Variants in BAIAP3 observed in about 807,000 individuals in gnomAD.
BAIAP3 encodes BAI1-associated protein 3.
In BAIAP3, 180 loss-of-function variants were observed where a neutral mutation model predicts 149.7. That is an observed-to-expected ratio of 1.20 (90% CI 1.07 to 1.36). The LOEUF (loss-of-function observed/expected upper bound fraction) is 1.36. BAIAP3 is among the 40% of genes most tolerant of loss of function. BAIAP3 has a pLI of 0.00. For synonymous variants in BAIAP3, 845 were observed against 670.7 expected, an observed-to-expected ratio of 1.26 and a Z score of -4.02; for missense variants, 1,767 against 1,563.4, an observed-to-expected ratio of 1.13 and a Z score of -2.20.
Position 1,345,292 on chromosome 16 carries a change from C to T in BAIAP3, c.1984C>T (p.Leu662=), listed in dbSNP as rs1479977923. ...LALAGIHAPF[L]PAVKLWFQVL... is the part of the protein sequence containing the mutation. ...CCTGGCTGGCATCCACGCCCCCTTC[C>T]TGCCTGCTGTGAAGCTCTGGTTCCA... is the stretch of plus-strand genomic sequence containing the variant. Residue 662 remains leucine, a synonymous_variant, in exon 22 of 34, where the codon CTG becomes TTG. Coordinates refer to ENST00000426824, the MANE Select transcript of BAIAP3 (RefSeq NM_001199097.2). 3 of 1,613,192 alleles carry T rather than the reference C, an allele frequency of 1.9e-6. No individual in the cohort carries two copies. The highest frequency in any genetic ancestry group is 2.2e-5 in the South Asian group (2 of 91,088).
At chr16:1,347,009 G>A in intron 28 of BAIAP3, 54 bp downstream of exon 28, 1 of 1,493,186 alleles carries the variant, frequency 6.7e-7, no homozygotes, top group Non-Finnish European at 9.1e-7. Flanking sequence ...GGGCTGCTCT[G>A]ATCCCTCCCT....
intron 1 of BAIAP3, chr16:1,334,702 G>T (rs1440671291): frequency 6.4e-7 from 1 of 1,556,254 alleles, no homozygotes; most frequent in Admixed American, 1.9e-5. Flanking sequence ...GGCCCGCCAG[G>T]TGACCTGCAC....
rs1461887277 is a variant in BAIAP3, at chr16:1,342,072, G to A, written c.854+9G>A. ...CTGAAGGGCATGGGCAGGTATGACTGCTGGGACCTTTCTACCCATCACCCG... is the reference window on the plus strand; with the variant it reads ...CTGAAGGGCATGGGCAGGTATGACTACTGGGACCTTTCTACCCATCACCCG... On this transcript the variant is annotated intron_variant, in intron 10 of 33. Transcript: ENST00000426824. The A allele has an allele frequency of 6.3e-7, 1 of 1,594,900 alleles. No homozygotes were observed. Among genetic ancestry groups the A allele is most frequent in the Non-Finnish European group, 8.5e-7 (1 of 1,170,080 alleles).
chr16:1,348,416 C>G lies in BAIAP3; in HGVS notation c.3393C>G (p.Ser1131Arg). 1 of 1,612,738 alleles carries G rather than the reference C, an allele frequency of 6.2e-7. No individual in the cohort carries two copies. Among genetic ancestry groups the G allele is most frequent in the Non-Finnish European group, 8.5e-7 (1 of 1,179,852 alleles). Reference sequence around the variant, plus strand: ...TGAGGAGGCTGGAAGGCCGCACCAGCAAGGAGGCGCAGGAGTTCGTGAAGA... The same window carrying G: ...TGAGGAGGCTGGAAGGCCGCACCAGGAAGGAGGCGCAGGAGTTCGTGAAGA... ...SALRRLEGRTSKEAQEFVKKL... is the reference protein window; with the variant it reads ...SALRRLEGRTRKEAQEFVKKL... Residue 1131 changes from serine to arginine, a missense_variant, in exon 34 of 34, where the codon AGC becomes AGG. Coordinates refer to ENST00000426824, the MANE Select transcript of BAIAP3 (RefSeq NM_001199097.2).
rs1180416860 is a variant in BAIAP3 at position 1,344,262 on chromosome 16, T to C, written c.1547T>C (p.Phe516Ser). Residue 516 changes from phenylalanine to serine, a missense_variant, in exon 17 of 34, where the codon TTT (phenylalanine) becomes TCT (serine). Physicochemically the swap from Phe to Ser is radical, Grantham distance 155 (BLOSUM62 -2). Transcript: ENST00000426824. ...LGKLQLFQPS[F>S]EICPFESELN... ...AAGCTGCAGCTCTTCCAACCCTCCTTTGAGATCTGCCCCTTCGAGTCGGAG... is the reference window on the plus strand; with the variant it reads ...AAGCTGCAGCTCTTCCAACCCTCCTCTGAGATCTGCCCCTTCGAGTCGGAG... 1.2e-6 allele frequency: 2 copies of C among 1,613,682 alleles called. No individual in the cohort carries two copies. The highest frequency in any genetic ancestry group is 1.7e-6 in the Non-Finnish European group (2 of 1,179,926).
rs756211853 is a variant in BAIAP3 at position 1,347,832 on chromosome 16, G to A, written c.3025+11G>A. 1 of 1,604,052 alleles carries A rather than the reference G, an allele frequency of 6.2e-7. No homozygotes were observed. ...CCCTGGACGCCAACGGTGAGTTGCA[G>A]CGGGGACGGGTCGGGTGGTGGTGGG... On this transcript the variant is annotated intron_variant, in intron 31 of 33. Coordinates refer to ENST00000426824, the MANE Select transcript of BAIAP3 (RefSeq NM_001199097.2).
Position 1,349,405 on chromosome 16 carries a change from C to G in BAIAP3, c.*923C>G. On this transcript the variant is annotated 3_prime_UTR_variant, in exon 34 of 34. Transcript: ENST00000426824. Reference sequence around the variant, plus strand: ...CTCATGTCTCTAGATTTTCTCGTCACCCAGCCTCAAAAATATATGTGTCTG... The same window carrying G: ...CTCATGTCTCTAGATTTTCTCGTCAGCCAGCCTCAAAAATATATGTGTCTG... 6.2e-7 allele frequency: 1 copy of G among 1,613,034 alleles called. No homozygotes were observed. The highest frequency in any genetic ancestry group is 8.5e-7 in the Non-Finnish European group (1 of 1,179,460).
rs758611781 is a variant in BAIAP3 at position 1,338,984 on chromosome 16, C to A, written c.214C>A (p.Leu72Ile). 6.2e-7 allele frequency: 1 copy of A among 1,612,730 alleles called. No homozygotes were observed. The highest frequency in any genetic ancestry group is 1.3e-5 in the African/African-American group (1 of 74,882). Reference sequence around the variant, plus strand: ...GGAAGGCAGACAGGGCTTGCCGTGCCTCGAGGTAAGGGTGCCACCCCCAGG... The same window carrying A: ...GGAAGGCAGACAGGGCTTGCCGTGCATCGAGGTAAGGGTGCCACCCCCAGG... ...KGEGRQGLPC[L>I]EVPLRSGSPA... The change falls in exon 3 of 34, where the codon CTC becomes ATC. Residue 72 changes from leucine (L) to isoleucine (I), a missense_variant. Leu to Ile is a conservative substitution (Grantham distance 5). Transcript: ENST00000426824.
intron 1 of BAIAP3, among the ~76,000 whole-genome samples, chr16:1,336,965 G>C (rs183061626): frequency 6.6e-6 from 1 of 152,280 alleles, no homozygotes; most frequent in East Asian, 1.9e-4. Flanking sequence ...ATCAGAGGCC[G>C]GCAAGGCTGG....
intron 5 of BAIAP3, 44 bp downstream of exon 5, chr16:1,339,647 A>G (rs2033720260): frequency 6.9e-7 from 1 of 1,447,292 alleles, no homozygotes; most frequent in Non-Finnish European, 9.5e-7. Flanking sequence ...CAGCTTCCCC[A>G]CCTCAACCCC....
At position 1,346,077 on chromosome 16, in the gene BAIAP3, C is replaced by T. The variant is rs376029885; in HGVS notation, c.2300C>T (p.Ala767Val). ...GCGGCCGGTGAAGCAGTGAGCGAGG[C>T]GGTGAGTGACCAGCTGGGGAGGGGA... is the stretch of plus-strand genomic sequence containing the variant. ...PGAAGEAVSE[A>V]LCVVLNNVEL... Residue 767 changes from alanine to valine, a missense_variant and splice_region_variant, in exon 24 of 34, where the codon GCG becomes GTG. By Grantham distance (64) the Ala-to-Val change is moderately conservative (BLOSUM62 0). Transcript: ENST00000426824. 13 of 1,609,692 alleles carry T rather than the reference C, an allele frequency of 8.1e-6. No homozygotes were observed. Among genetic ancestry groups the T allele is most frequent in the South Asian group, 3.3e-5 (3 of 90,644 alleles).
intron 1 of BAIAP3, chr16:1,334,564 G>A: frequency 1.7e-6 from 2 of 1,171,350 alleles, no homozygotes; most frequent in South Asian, 1.4e-5. Flanking sequence ...CTCCTGCTGG[G>A]CGCCAGCGGC....
chr16:1,341,439 C>T lies in BAIAP3; in HGVS notation c.681C>T (p.Thr227=), dbSNP rs573002579. The change falls in exon 8 of 34, where the codon ACC becomes ACT. Residue 227 remains threonine, a synonymous_variant. Coordinates refer to ENST00000426824, the MANE Select transcript of BAIAP3 (RefSeq NM_001199097.2). ...TGCCTGCCAAGTGCATCCAGGTCACCGAGGTGAAGAGCAGCACCCTGAACC... is the reference window on the plus strand; with the variant it reads ...TGCCTGCCAAGTGCATCCAGGTCACTGAGGTGAAGAGCAGCACCCTGAACC... ...GPLPAKCIQV[T]EVKSSTLNPV... 46 of 1,612,616 alleles carry T rather than the reference C, an allele frequency of 2.9e-5. No homozygotes were observed. Among genetic ancestry groups the T allele is most frequent in the Admixed American group, 2.8e-4 (17 of 60,028 alleles).
chr16:1,346,635 GAGA>G lies in BAIAP3; in HGVS notation c.2596_2598del (p.Lys866del), dbSNP rs2141612609. ...GGCCCCGCTCATGAAGTACCTGGAT[GAGA>G]AGCTGGCCCTGCTGAACGCCTCGCT... On this transcript the variant is annotated inframe_deletion, in exon 27 of 34. Transcript: ENST00000426824. The G allele has an allele frequency of 6.8e-7, 1 of 1,463,748 alleles. No individual in the cohort carries two copies. The highest frequency in any genetic ancestry group is 3.0e-5 in the East Asian group (1 of 33,228). 90.7% of individuals were successfully genotyped at this position (1,463,748 alleles called of 1,614,324 possible).
At chr16:1,345,424 TC>T (rs2034255311) in intron 22 of BAIAP3, 52 bp downstream of exon 22, 3 of 1,406,894 alleles carry the variant, frequency 2.1e-6, no homozygotes, top group African/African-American at 1.8e-5. Flanking sequence ...GCCCCCAGCC[TC>T]CCCCGCCTCC....
At chr16:1,340,892 A>T (rs377174786) in intron 5 of BAIAP3, 30 bp from the exon 6 acceptor site, 3 of 1,554,324 alleles carry the variant, frequency 1.9e-6, no homozygotes, top group Non-Finnish European at 2.6e-6. Context: ...GGGGTTGCCT[A>T]GGCCCTGCCA....
chr16:1,344,152 T>G lies in BAIAP3; in HGVS notation c.1511+6T>G. ...CGCCTGGAGCTGCTGCTGAAGTGGG[T>G]GCAGCGCCGCGTGTCAGCGTGGGTG... On this transcript the variant is annotated splice_donor_region_variant and intron_variant, in intron 16 of 33. Coordinates refer to ENST00000426824, the MANE Select transcript of BAIAP3 (RefSeq NM_001199097.2). 1.2e-6 allele frequency: 2 copies of G among 1,611,882 alleles called. No homozygotes were observed. The highest frequency in any genetic ancestry group is 1.1e-5 in the South Asian group (1 of 91,054).
At position 1,344,462 on chromosome 16, in the gene BAIAP3, G is replaced by C. The variant is rs1362403668; in HGVS notation, c.1603-7G>C. On this transcript the variant is annotated splice_polypyrimidine_tract_variant and splice_region_variant and intron_variant, in intron 17 of 33. Coordinates refer to ENST00000426824, the MANE Select transcript of BAIAP3 (RefSeq NM_001199097.2). ...CCACCATGCTGTCTTGGTGGTGTCT[G>C]TTGCAGAGAGGCAACCGTGAGTGGT... 1.9e-6 allele frequency: 3 copies of C among 1,613,548 alleles called. No homozygotes were observed. The highest frequency in any genetic ancestry group is 2.5e-6 in the Non-Finnish European group (3 of 1,180,008).
At chr16:1,335,646 A>G (rs1201185192) in intron 1 of BAIAP3, among the ~76,000 whole-genome samples, 2 of 152,186 alleles carry the variant, frequency 1.3e-5, no homozygotes, top group Non-Finnish European at 2.9e-5. Context: ...TCAGCTGCCC[A>G]GGAAGCCTGG....
Sources: gnomAD v4.1 joint callset for allele counts (sites outside exome capture counted in the v4.1 genomes callset) on GRCh38, gnomAD v4.1.1 for gene constraint, MANE v1.5 for transcripts, NCBI Gene and HGNC (gene_info 2026-07-23, HGNC 2026-07-21) for gene names.